Variants in TEAD4 observed in about 807,000 individuals in gnomAD.
The protein encoded by TEAD4 is transcriptional enhancer factor TEF-3.
A neutral mutation model predicts 52.4 loss-of-function variants in TEAD4; 36 were observed. The observed-to-expected ratio is 0.69, with a 90% confidence interval of 0.53 to 0.91. The LOEUF is 0.91. Ranked by LOEUF, TEAD4 falls within the 40% of genes least tolerant of loss-of-function variation. The probability of loss-of-function intolerance (pLI) is 0.00; values close to 1 mark genes in which losing one functional copy is unlikely to be tolerated. For synonymous variants in TEAD4, 220 were observed against 231.0 expected (o/e 0.95, Z 0.43); for missense variants, 508 against 583.9 (o/e 0.87, Z 1.34).
intron 10 of TEAD4, among the ~76,000 whole-genome samples, chr12:3,032,652 G>A (rs916140269): frequency 9.2e-5 from 14 of 152,176 alleles, no homozygotes; most frequent in African/African-American, 3.1e-4. Flanking sequence ...GTATGTGGCC[G>A]GCTGGTACTG....
chr12:3,038,039 C>T lies in TEAD4; in HGVS notation c.969C>T (p.Pro323=), dbSNP rs376977078. ...GGGTCTCCAGCCAGTATGAGAGCCC[C>T]GAGAACATGATCATCACCTGCTCCA... The change falls in exon 11 of 13, where the codon CCC becomes CCT. Residue 323 remains proline (P), a synonymous_variant. Transcript: ENST00000359864. 33 of 1,614,042 alleles carry T rather than the reference C, an allele frequency of 2.0e-5. No homozygotes were observed. Among genetic ancestry groups the T allele is most frequent in the South Asian group, 6.6e-5 (6 of 91,078 alleles).
At chr12:3,008,096 G>T (rs2098257342) in intron 3 of TEAD4, among the ~76,000 whole-genome samples, 1 of 152,214 alleles carries the variant, frequency 6.6e-6, no homozygotes, top group African/African-American at 2.4e-5. Context: ...CTGTGGTTCT[G>T]ACGGGGGTGA....
chr12:3,015,935 G>C (rs965212347), intron 5 of TEAD4, among the ~76,000 whole-genome samples: 1 of 152,220 alleles, frequency 6.6e-6, no homozygotes. Flanking sequence ...TCCAGCACTG[G>C]GAGGTCGAGG....
At chr12:2,990,628 G>A (rs2098242295) in intron 2 of TEAD4, among the ~76,000 whole-genome samples, 1 of 151,916 alleles carries the variant, frequency 6.6e-6, no homozygotes, top group Non-Finnish European at 1.5e-5. Flanking sequence ...ACCATGCCAA[G>A]CTAATTTGTG....
chr12:2,988,034 C>T (rs1038014445), intron 2 of TEAD4, among the ~76,000 whole-genome samples: 3 of 151,424 alleles, frequency 2.0e-5, no homozygotes, highest in Admixed American at 6.6e-5. Flanking sequence ...CGCCACTGCA[C>T]TCCAGCCTGG....
Position 3,037,937 on chromosome 12 carries a change from A to G in TEAD4, c.898-31A>G, listed in dbSNP as rs999145029. Reference sequence around the variant, plus strand: ...CCCGTCTGACATGGCACCTGCTGACACTCCCTCGCCTTCCCACTGTCTCCC... The same window carrying G: ...CCCGTCTGACATGGCACCTGCTGACGCTCCCTCGCCTTCCCACTGTCTCCC... On this transcript the variant is annotated intron_variant, in intron 10 of 12. Coordinates refer to ENST00000359864, the MANE Select transcript of TEAD4 (RefSeq NM_003213.4). The G allele has an allele frequency of 5.0e-6, 8 of 1,595,492 alleles. No individual in the cohort carries two copies. The South Asian group carries it at 7.8e-5, about 16-fold the overall frequency.
intron 10 of TEAD4, 54 bp from the exon 11 acceptor site, chr12:3,037,914 C>G: frequency 6.3e-7 from 1 of 1,575,642 alleles, no homozygotes; most frequent in Non-Finnish European, 8.6e-7. Flanking sequence ...TTGATGCTCC[C>G]GTCTGACATG....
intron 2 of TEAD4, among the ~76,000 whole-genome samples, chr12:2,976,152 C>T (rs1399194781): frequency 2.6e-5 from 4 of 151,846 alleles, no homozygotes; most frequent in African/African-American, 9.7e-5. Flanking sequence ...ACTACAGGCA[C>T]GTGCCACCAT....
chr12:3,008,597 A>G (rs1008908485), intron 3 of TEAD4, among the ~76,000 whole-genome samples: 1 of 152,182 alleles, frequency 6.6e-6, no homozygotes, highest in African/African-American at 2.4e-5. Flanking sequence ...TCCAAGTCAG[A>G]GATGGCGGGA....
intron 3 of TEAD4, among the ~76,000 whole-genome samples, chr12:3,009,252 ACT>A (rs1162416115): frequency 6.6e-6 from 1 of 152,032 alleles, no homozygotes; most frequent in Non-Finnish European, 1.5e-5. Flanking sequence ...ACATGGTGAA[ACT>A]CTGCCTCTAC....
intron 3 of TEAD4, 114 bp from the exon 4 acceptor site, chr12:3,010,890 T>C: frequency 5.2e-6 from 6 of 1,158,602 alleles, no homozygotes; most frequent in Non-Finnish European, 7.6e-6. Context: ...CAAATCCGCT[T>C]AGGATGGGCA....
chr12:3,020,563 G>A (rs1457479507), intron 8 of TEAD4, 71 bp from the exon 9 acceptor site: 23 of 1,447,104 alleles, frequency 1.6e-5, no homozygotes, highest in African/African-American at 4.4e-5. Context: ...GAGGCCTGGG[G>A]TCCTTGCAGA....
At chr12:2,991,832 A>G (rs1183653276) in intron 2 of TEAD4, among the ~76,000 whole-genome samples, 4 of 152,042 alleles carry the variant, frequency 2.6e-5, no homozygotes, top group Non-Finnish European at 4.4e-5. Context: ...GACAACAGGC[A>G]ACACTTGTTA....
intron 10 of TEAD4, among the ~76,000 whole-genome samples, chr12:3,031,628 T>G (rs1249611002): frequency 2.0e-5 from 3 of 152,162 alleles, no homozygotes; most frequent in Non-Finnish European, 2.9e-5. Flanking sequence ...TGCTGTGAGA[T>G]AGATGGGCCC....
chr12:2,964,119 G>GT (rs2098218195), intron 2 of TEAD4, among the ~76,000 whole-genome samples: 2 of 152,180 alleles, frequency 1.3e-5, no homozygotes, highest in African/African-American at 2.4e-5. Context: ...CTCCTCCAAA[G>GT]GGGGCCGTTG....
chr12:3,034,903 G>A (rs2098278377), intron 10 of TEAD4, among the ~76,000 whole-genome samples: 2 of 151,800 alleles, frequency 1.3e-5, no homozygotes, highest in South Asian at 4.2e-4. Flanking sequence ...TGACCAGCCT[G>A]GCCGATATGG....
At chr12:2,967,773 T>C (rs1390773218) in intron 2 of TEAD4, among the ~76,000 whole-genome samples, 1 of 152,190 alleles carries the variant, frequency 6.6e-6, no homozygotes, top group African/African-American at 2.4e-5. Flanking sequence ...GGTTTGTTTT[T>C]GTTTTGTTTT....
intron 3 of TEAD4, among the ~76,000 whole-genome samples, chr12:3,009,396 C>T (rs561061979): frequency 9.8e-5 from 15 of 152,306 alleles, no homozygotes; most frequent in East Asian, 5.8e-4. Flanking sequence ...TGCCATTGCA[C>T]GCCAGCCTGG....
chr12:2,988,747 G>T (rs996900555), intron 2 of TEAD4, among the ~76,000 whole-genome samples: 1 of 152,062 alleles, frequency 6.6e-6, no homozygotes, highest in Non-Finnish European at 1.5e-5. Flanking sequence ...AGGGGCTGAA[G>T]GTCAAGTTGA....
Sources: gnomAD v4.1 joint callset for allele counts (sites outside exome capture counted in the v4.1 genomes callset) on GRCh38, gnomAD v4.1.1 for gene constraint, MANE v1.5 for transcripts, NCBI Gene and HGNC (gene_info 2026-07-23, HGNC 2026-07-21) for gene names.